Variants in ANK3 observed in about 807,000 individuals in gnomAD.
ANK3 encodes the protein ankyrin 3, also known as ankyrin-3.
A neutral mutation model predicts 370.9 loss-of-function variants in ANK3; 57 were observed. That is an observed-to-expected ratio of 0.15 (90% confidence interval 0.12 to 0.19). ANK3 has a LOEUF of 0.19. Ranked by LOEUF, ANK3 falls within the 10% of genes least tolerant of loss-of-function variation. ANK3 has a pLI of 1.00. For synonymous variants in ANK3, 1,929 were observed against 1,946.3 expected, an observed-to-expected ratio of 0.99 and a Z score of 0.23; for missense variants, 4,439 against 5,302.1, an observed-to-expected ratio of 0.84 and a Z score of 5.06.
chr10:60,121,115 C>T (rs982096531), intron 25 of ANK3, among the ~76,000 whole-genome samples: 5 of 152,070 alleles, frequency 3.3e-5, no homozygotes, highest in East Asian at 3.8e-4. Flanking sequence ...AGTATGTACA[C>T]GCAACGGAGT....
rs139502470 is a variant in ANK3, at chr10:60,136,800, C to T, written c.2738+2164G>A. Among the ~76,000 whole-genome samples, 451 of 152,216 alleles carry T rather than the reference C, an allele frequency of 3.0e-3. 3 individuals are homozygous for T. Among genetic ancestry groups the T allele is most frequent in the Non-Finnish European group, 5.1e-3 (349 of 68,006 alleles). Reference sequence around the variant, plus strand: ...TCAATTAAATCCATCAAGTTTCACTCGGAATCCTTAATACTTCGAAGTACT... The same window carrying T: ...TCAATTAAATCCATCAAGTTTCACTTGGAATCCTTAATACTTCGAAGTACT... On this transcript the variant is annotated intron_variant, in intron 24 of 43. Transcript: ENST00000280772.
chr10:60,272,265 A>G (rs2098004047), intron 4 of ANK3, among the ~76,000 whole-genome samples: 2 of 152,132 alleles, frequency 1.3e-5, no homozygotes, highest in African/African-American at 4.8e-5. Context: ...CCAAAATGAA[A>G]GATCATTACA....
At chr10:60,078,614 A>G (rs1259405480) in intron 36 of ANK3, among the ~76,000 whole-genome samples, 1 of 152,170 alleles carries the variant, frequency 6.6e-6, no homozygotes, top group Admixed American at 6.5e-5. Flanking sequence ...TACACATTTT[A>G]TGCTTTAATG....
At chr10:60,639,913 A>C (rs1403496631) in intron 1 of ANK3, among the ~76,000 whole-genome samples, 1 of 152,112 alleles carries the variant, frequency 6.6e-6, no homozygotes, top group Non-Finnish European at 1.5e-5. Context: ...AAAAGAAAAA[A>C]GTATCAAGCT....
At chr10:60,103,144 G>A (rs1397325840) in intron 28 of ANK3, among the ~76,000 whole-genome samples, 1 of 151,984 alleles carries the variant, frequency 6.6e-6, no homozygotes. Context: ...AGAGACGGGG[G>A]TTTCACCATG....
At chr10:60,060,585 T>A (rs2080222013) in intron 40 of ANK3, 1 of 152,196 alleles carries the variant, frequency 6.6e-6, no homozygotes, top group East Asian at 1.9e-4. Context: ...AATGATTGTT[T>A]GTTAGATTTT....
At chr10:60,188,691 G>A (rs2096404786) in intron 16 of ANK3, among the ~76,000 whole-genome samples, 1 of 152,172 alleles carries the variant, frequency 6.6e-6, no homozygotes, top group Non-Finnish European at 1.5e-5. Context: ...CCATGAAAGT[G>A]GAAATGTCAC....
At chr10:60,699,577 T>A (rs551676683) in intron 1 of ANK3, among the ~76,000 whole-genome samples, 2 of 151,738 alleles carry the variant, frequency 1.3e-5, no homozygotes, top group African/African-American at 4.8e-5. Flanking sequence ...TTTTAAACAA[T>A]TATTTTAAAT....
intron 1 of ANK3, among the ~76,000 whole-genome samples, chr10:60,699,157 G>A (rs1424326568): frequency 1.3e-5 from 2 of 151,780 alleles, no homozygotes; most frequent in Non-Finnish European, 2.9e-5. Flanking sequence ...AGGGGTAGAA[G>A]ACTACAAAAA....
intron 8 of ANK3, among the ~76,000 whole-genome samples, chr10:60,218,378 A>G (rs1423531710): frequency 3.3e-5 from 5 of 149,774 alleles, no homozygotes; most frequent in Non-Finnish European, 7.4e-5. Context: ...TCATAGTTTC[A>G]TTAGTCTTTA....
chr10:60,707,910 G>A (rs1305806658), intron 1 of ANK3, among the ~76,000 whole-genome samples: 2 of 151,786 alleles, frequency 1.3e-5, no homozygotes, highest in African/African-American at 4.8e-5. Flanking sequence ...CAACAAAAAG[G>A]AAAAAAAGGG....
At chr10:60,377,643 G>GTAA (rs932802562) in intron 1 of ANK3, among the ~76,000 whole-genome samples, 47 of 152,238 alleles carry the variant, frequency 3.1e-4, no homozygotes, top group African/African-American at 1.1e-3. Flanking sequence ...AGAAAATAAA[G>GTAA]TAATAAAAAT....
chr10:60,733,087 C>A (rs573294801), intron 1 of ANK3, among the ~76,000 whole-genome samples: 6 of 152,002 alleles, frequency 3.9e-5, no homozygotes, highest in Non-Finnish European at 8.8e-5. Context: ...TGGACTCCCA[C>A]GATCCGCAGG....
intron 16 of ANK3, among the ~76,000 whole-genome samples, chr10:60,188,521 A>C (rs1323179990): frequency 1.3e-5 from 2 of 152,196 alleles, no homozygotes; most frequent in Admixed American, 1.3e-4. Context: ...ATCAGTCACA[A>C]TCTTTTTGAG....
rs376054723 is a variant in ANK3 at position 60,072,856 on chromosome 10, C to G, written c.8025G>C (p.Lys2675Asn). 6.2e-7 allele frequency: 1 copy of G among 1,614,096 alleles called. No homozygotes were observed. The highest frequency in any genetic ancestry group is 1.3e-5 in the African/African-American group (1 of 75,038). The change falls in exon 37 of 44, where the codon AAG (lysine) becomes AAC (asparagine). Residue 2675 changes from lysine to asparagine, a missense_variant. By Grantham distance (94) the Lys-to-Asn change is moderately conservative. This residue lies in a region of ANK3 where 1,601 missense variants were observed against 1,731.7 expected (regional missense o/e 0.92). Transcript: ENST00000280772. Reference sequence around the variant, plus strand: ...CCTCAGTCTGTTGGGAGAGAACCATCTTCTCTGGGCTGCTGGGCAGACTGG... The same window carrying G: ...CCTCAGTCTGTTGGGAGAGAACCATGTTCTCTGGGCTGCTGGGCAGACTGG... ...KAPSLPSSPE[K>N]MVLSQQTEDS...
At chr10:60,509,592 G>T (rs2076028557) in intron 2 of ANK3, among the ~76,000 whole-genome samples, 1 of 152,084 alleles carries the variant, frequency 6.6e-6, no homozygotes, top group African/African-American at 2.4e-5. Flanking sequence ...TCCCTCATGG[G>T]ATTCATTTTG....
chr10:60,707,560 C>T (rs1404948985), intron 1 of ANK3, among the ~76,000 whole-genome samples: 2 of 151,628 alleles, frequency 1.3e-5, no homozygotes, highest in Non-Finnish European at 2.9e-5. Flanking sequence ...CCACAAAATA[C>T]AGTTCTGATA....
chr10:60,479,127 A>C (rs1022000969), intron 2 of ANK3, among the ~76,000 whole-genome samples: 1 of 152,164 alleles, frequency 6.6e-6, no homozygotes, highest in Non-Finnish European at 1.5e-5. Context: ...GAATCGCTTG[A>C]AATTTAAGTA....
chr10:60,063,024 T>C (rs1470399150), intron 40 of ANK3, 87 bp downstream of exon 40: 6 of 1,312,908 alleles, frequency 4.6e-6, no homozygotes, highest in Non-Finnish European at 6.2e-6. Context: ...AATCACAGTT[T>C]AGTTGCTTTT....
Sources: allele counts gnomAD v4.1 joint callset (sites outside exome capture counted in the v4.1 genomes callset), GRCh38; gene constraint gnomAD v4.1.1; regional missense constraint gnomAD v4.1.1; transcripts MANE v1.5; gene names NCBI Gene and HGNC (gene_info 2026-07-23, HGNC 2026-07-21).